Variants in RFX7 observed in about 807,000 individuals in gnomAD.
RFX7 encodes regulatory factor X7, also known as DNA-binding protein RFX7.
A neutral mutation model predicts 111.8 loss-of-function variants in RFX7; 26 were observed. That is an observed-to-expected ratio of 0.23 (90% CI 0.17 to 0.32). The LOEUF (loss-of-function observed/expected upper bound fraction) is 0.32. Ranked by LOEUF, RFX7 falls within the 10% of genes least tolerant of loss-of-function variation. The pLI is 1.00. For synonymous variants in RFX7, 624 were observed against 624.4 expected (o/e 1.00, Z 0.01); for missense variants, 1,573 against 1,772.9 (o/e 0.89, Z 2.02).
chr15:56,123,430 G>A (rs1025673609), intron 5 of RFX7, among the ~76,000 whole-genome samples: 9 of 152,152 alleles, frequency 5.9e-5, no homozygotes, highest in African/African-American at 2.2e-4. Flanking sequence ...GGCTGAACTG[G>A]TATTTAAGCA....
intron 8 of RFX7, among the ~76,000 whole-genome samples, chr15:56,100,636 C>G (rs963928407): frequency 6.6e-6 from 1 of 152,122 alleles, no homozygotes; most frequent in Admixed American, 6.5e-5. Context: ...ACATTTTTAA[C>G]AGACATCCTG....
intron 2 of RFX7, among the ~76,000 whole-genome samples, chr15:56,220,896 T>A (rs1425069747): frequency 2.6e-5 from 4 of 152,234 alleles, no homozygotes; most frequent in African/African-American, 9.6e-5. Flanking sequence ...TCTCTGCATA[T>A]GGCTAGCCAG....
Position 56,094,659 on chromosome 15 carries a change from C to T in RFX7, c.3069G>A (p.Pro1023=), listed in dbSNP as rs373394346. ...VPPSPVECRN[P]FAFTPISSSM... is the part of the protein sequence containing the mutation. ...TGGAGCTTATTGGAGTGAATGCAAA[C>T]GGATTCCTGCATTCAACAGGGCTGG... is the stretch of plus-strand genomic sequence containing the variant. Residue 1023 remains proline, a synonymous_variant, in exon 10 of 10, where the codon CCG becomes CCA. Transcript: ENST00000559447. 8.6e-5 allele frequency: 138 copies of T among 1,613,766 alleles called. 1 individual carries two copies. The highest frequency in any genetic ancestry group is 3.3e-4 in the South Asian group (30 of 91,080).
At chr15:56,203,721 C>T (rs535023408) in intron 2 of RFX7, among the ~76,000 whole-genome samples, 1 of 152,182 alleles carries the variant, frequency 6.6e-6, no homozygotes, top group African/African-American at 2.4e-5. Flanking sequence ...CTCCCACCCA[C>T]ACCATGACAG....
chr15:56,236,498 A>G (rs1169956985), intron 2 of RFX7, among the ~76,000 whole-genome samples: 1 of 152,174 alleles, frequency 6.6e-6, no homozygotes, highest in Non-Finnish European at 1.5e-5. Flanking sequence ...GTAGAATAGG[A>G]GGCACTGGAC....
At chr15:56,126,870 A>G (rs1368713110) in intron 5 of RFX7, among the ~76,000 whole-genome samples, 1 of 152,160 alleles carries the variant, frequency 6.6e-6, no homozygotes, top group African/African-American at 2.4e-5. Context: ...GAGCTCCAAA[A>G]TAAGTAAAAC....
At chr15:56,116,839 CA>C (rs2042014900) in intron 5 of RFX7, among the ~76,000 whole-genome samples, 1 of 151,194 alleles carries the variant, frequency 6.6e-6, no homozygotes, top group Admixed American at 6.6e-5. Flanking sequence ...AAACATTGTA[CA>C]GTTGTACAAA....
chr15:56,103,525 A>G (rs1195157123), intron 6 of RFX7, 29 bp downstream of exon 6: 15 of 1,403,012 alleles, frequency 1.1e-5, no homozygotes, highest in Non-Finnish European at 1.3e-5. Flanking sequence ...ACACAGAGAT[A>G]TTACTAACAC....
At chr15:56,236,892 G>A (rs2043629547) in intron 2 of RFX7, among the ~76,000 whole-genome samples, 1 of 152,130 alleles carries the variant, frequency 6.6e-6, no homozygotes, top group Non-Finnish European at 1.5e-5. Flanking sequence ...ACAATAAACA[G>A]CTCTTAACTA....
chr15:56,206,290 A>C (rs563677685), intron 2 of RFX7, among the ~76,000 whole-genome samples: 1 of 152,338 alleles, frequency 6.6e-6, no homozygotes, highest in South Asian at 2.1e-4. Flanking sequence ...ATGCTACAAT[A>C]TAAATGAATC....
At chr15:56,238,063 A>G (rs1272572285) in intron 2 of RFX7, among the ~76,000 whole-genome samples, 4 of 152,198 alleles carry the variant, frequency 2.6e-5, no homozygotes, top group Non-Finnish European at 4.4e-5. Flanking sequence ...AGTAAACTCT[A>G]AAGTTATGAA....
chr15:56,108,867 A>G (rs1031568635), intron 5 of RFX7, among the ~76,000 whole-genome samples: 2 of 152,226 alleles, frequency 1.3e-5, no homozygotes. Context: ...TACAAAATCT[A>G]TATGCAAAAA....
chr15:56,159,026 A>G (rs1476086255), intron 3 of RFX7, among the ~76,000 whole-genome samples: 3 of 152,108 alleles, frequency 2.0e-5, no homozygotes, highest in Non-Finnish European at 4.4e-5. Flanking sequence ...TCTGGTAAGC[A>G]TCATTTTACT....
intron 2 of RFX7, chr15:56,193,128 A>T (rs2043115395): frequency 4.2e-6 from 1 of 238,686 alleles, no homozygotes; most frequent in Admixed American, 4.1e-5. Context: ...TGGTCTAGCA[A>T]CACTACTGTG....
chr15:56,239,656 G>A (rs1193446246), intron 2 of RFX7, among the ~76,000 whole-genome samples: 1 of 152,092 alleles, frequency 6.6e-6, no homozygotes, highest in Non-Finnish European at 1.5e-5. Flanking sequence ...TTGGGATTTT[G>A]GAGTGTTTCA....
intron 3 of RFX7, among the ~76,000 whole-genome samples, chr15:56,153,219 C>T (rs2042600056): frequency 6.6e-6 from 1 of 152,198 alleles, no homozygotes; most frequent in Admixed American, 6.5e-5. Flanking sequence ...ATGAGGCCAG[C>T]ATCATCCTGA....
chr15:56,176,126 A>G (rs1258925939), intron 3 of RFX7, among the ~76,000 whole-genome samples: 4 of 152,220 alleles, frequency 2.6e-5, no homozygotes, highest in Admixed American at 1.3e-4. Context: ...TAATAGAGAA[A>G]CTAGAGCACA....
intron 5 of RFX7, among the ~76,000 whole-genome samples, chr15:56,115,136 A>C (rs2041994125): frequency 6.6e-6 from 1 of 152,066 alleles, no homozygotes; most frequent in Non-Finnish European, 1.5e-5. Context: ...CAGCCTCCCG[A>C]GTAGCTGGGA....
intron 2 of RFX7, among the ~76,000 whole-genome samples, chr15:56,239,996 T>TAAAAAAAACA (rs1295016422): frequency 1.1e-4 from 16 of 148,574 alleles, no homozygotes; most frequent in Non-Finnish European, 2.4e-4. Context: ...TTTTTTTTTT[T>TAAAAAAAACA]TTTTTTTTTT....
Sources: allele counts gnomAD v4.1 joint callset (sites outside exome capture counted in the v4.1 genomes callset), GRCh38; gene constraint gnomAD v4.1.1; transcripts MANE v1.5; gene names NCBI Gene and HGNC (gene_info 2026-07-23, HGNC 2026-07-21).